The following NRXN3 variants were observed in gnomAD, a reference collection of about 807,000 sequenced individuals.
The protein encoded by NRXN3 is neurexin III.
NRXN3 carries 32 observed loss-of-function variants against 137.6 expected under a neutral mutation model. The ratio of observed to expected loss-of-function variants is 0.23; its 90% CI spans 0.18 to 0.31. The LOEUF (loss-of-function observed/expected upper bound fraction) is 0.31, where lower values mean the gene tolerates loss of function less well. Among genes scored for constraint, NRXN3 ranks in the 10% least tolerant of loss-of-function variants. The pLI is 1.00. For synonymous variants in NRXN3, 798 were observed against 784.5 expected, an observed-to-expected ratio of 1.02 and a Z score of -0.29; for missense variants, 1,574 against 2,062.5, an observed-to-expected ratio of 0.76 and a Z score of 4.59.
rs183945257 is a variant in NRXN3, at chr14:78,338,647, C to A, written c.757+40787C>A. Among the ~76,000 whole-genome samples the A allele has an allele frequency of 3.5e-4, 53 of 152,280 alleles. No individual in the cohort carries two copies. In the East Asian group the frequency reaches 8.9e-3, roughly 26 times the overall value. On this transcript the variant is annotated intron_variant, in intron 4 of 20. Transcript: ENST00000335750. The stretch of plus-strand genomic sequence containing the variant: ...ATGCTTGGGGACAGGGGAAGTATAT[C>A]AGTTATTTATTGCTGCACAACGAAG...
At chr14:79,814,102 T>C (rs1458444820) in intron 20 of NRXN3, among the ~76,000 whole-genome samples, 1 of 152,210 alleles carries the variant, frequency 6.6e-6, no homozygotes, top group African/African-American at 2.4e-5. Flanking sequence ...GTCCAGTGTA[T>C]GAGTTGTGGG....
At chr14:78,480,717 C>T (rs868840158) in intron 4 of NRXN3, among the ~76,000 whole-genome samples, 2 of 152,098 alleles carry the variant, frequency 1.3e-5, no homozygotes, top group South Asian at 4.2e-4. Flanking sequence ...ACATCTGTCT[C>T]CTTTCTCATT....
At chr14:78,796,048 G>T (rs1247964197) in intron 8 of NRXN3, among the ~76,000 whole-genome samples, 2 of 152,188 alleles carry the variant, frequency 1.3e-5, no homozygotes, top group African/African-American at 4.8e-5. Context: ...CAGGCTACTG[G>T]TGCCTCTCAT....
chr14:78,943,641 T>A lies in NRXN3; in HGVS notation c.2276-13601T>A, dbSNP rs867964223. Among the ~76,000 whole-genome samples the A allele has an allele frequency of 4.5e-3, 192 of 42,962 alleles. 13 individuals are homozygous for A. Among genetic ancestry groups the A allele is most frequent in the African/African-American group, 0.036 (167 of 4,626 alleles). The allele number at this position is 42,962 out of a possible 152,430, so 28.2% of individuals were successfully genotyped here. A position where few individuals can be genotyped will look rare whatever the true frequency, so the allele number is the denominator to read the frequency against. ...AAAAAAATATATATATATATATATATATATATATATATATATATATATATA... is the reference window on the plus strand; with the variant it reads ...AAAAAAATATATATATATATATATAAATATATATATATATATATATATATA... On this transcript the variant is annotated intron_variant, in intron 10 of 20. Transcript: ENST00000335750.
intron 15 of NRXN3, among the ~76,000 whole-genome samples, chr14:79,112,358 T>C (rs1170712970): frequency 1.3e-5 from 2 of 152,328 alleles, no homozygotes; most frequent in South Asian, 2.1e-4. Flanking sequence ...GGAAGAAGGA[T>C]GCATTTTGCA....
intron 16 of NRXN3, among the ~76,000 whole-genome samples, chr14:79,491,764 T>C (rs1256264274): frequency 6.6e-6 from 1 of 152,164 alleles, no homozygotes; most frequent in African/African-American, 2.4e-5. Flanking sequence ...GAATATGTAA[T>C]TTGGTTTAGG....
At chr14:79,450,158 A>G (rs1006977978) in intron 15 of NRXN3, among the ~76,000 whole-genome samples, 1 of 152,004 alleles carries the variant, frequency 6.6e-6, no homozygotes, top group Non-Finnish European at 1.5e-5. Context: ...CTTCCCAAAC[A>G]GCATCCTTAA....
chr14:79,597,459 G>T (rs1408028958), intron 16 of NRXN3, among the ~76,000 whole-genome samples: 1 of 152,176 alleles, frequency 6.6e-6, no homozygotes, highest in Non-Finnish European at 1.5e-5. Flanking sequence ...CAGACAAAGA[G>T]GGTTAGGTGG....
chr14:78,304,240 G>C (rs17107286), intron 4 of NRXN3, among the ~76,000 whole-genome samples: 6,859 of 152,218 alleles, frequency 0.045, 476 homozygotes, highest in African/African-American at 0.15. Context: ...GTGTCAGAGG[G>C]AAAATTTTAT....
At chr14:78,900,061 A>G (rs1296373757) in intron 10 of NRXN3, among the ~76,000 whole-genome samples, 1 of 151,910 alleles carries the variant, frequency 6.6e-6, no homozygotes, top group Admixed American at 6.6e-5. Context: ...AATTGATGAG[A>G]TATATAATCT....
intron 19 of NRXN3, among the ~76,000 whole-genome samples, chr14:79,775,637 A>G (rs1039612716): frequency 6.6e-6 from 1 of 151,504 alleles, no homozygotes; most frequent in East Asian, 1.9e-4. Context: ...TCAGAGGTAG[A>G]GTTCTAGATG....
intron 15 of NRXN3, among the ~76,000 whole-genome samples, chr14:79,145,590 G>T (rs893960282): frequency 6.6e-6 from 1 of 152,146 alleles, no homozygotes; most frequent in Non-Finnish European, 1.5e-5. Flanking sequence ...ATGCTCCTAG[G>T]AGCAGCCAGA....
At chr14:78,641,838 A>C (rs1338670522) in intron 4 of NRXN3, among the ~76,000 whole-genome samples, 2 of 152,226 alleles carry the variant, frequency 1.3e-5, no homozygotes, top group African/African-American at 4.8e-5. Flanking sequence ...ATAAATATGC[A>C]TGTGATTTGC....
chr14:78,595,128 G>C (rs774992574), intron 4 of NRXN3, among the ~76,000 whole-genome samples: 1 of 152,218 alleles, frequency 6.6e-6, no homozygotes, highest in Non-Finnish European at 1.5e-5. Context: ...AGGGTGGCTA[G>C]TGATTGAGGC....
chr14:79,487,335 T>TTGTGCTACATGTTTCACCA (rs149312092), intron 16 of NRXN3, among the ~76,000 whole-genome samples: 1 of 152,122 alleles, frequency 6.6e-6, no homozygotes, highest in Non-Finnish European at 1.5e-5. Context: ...TAACATGTTC[T>TTGTGCTACATGTTTCACCA]TGTGCTACAT....
chr14:78,785,536 C>A (rs1239030199), intron 8 of NRXN3, among the ~76,000 whole-genome samples: 1 of 152,138 alleles, frequency 6.6e-6, no homozygotes, highest in Non-Finnish European at 1.5e-5. Context: ...CAGCTGTGGG[C>A]TGGTAATATA....
At chr14:79,212,752 T>C (rs1170246597) in intron 15 of NRXN3, among the ~76,000 whole-genome samples, 1 of 152,002 alleles carries the variant, frequency 6.6e-6, no homozygotes, top group Non-Finnish European at 1.5e-5. Flanking sequence ...GGTAAGTAGG[T>C]CTTTTCATTG....
At chr14:79,458,016 G>T (rs1424503973) in intron 15 of NRXN3, among the ~76,000 whole-genome samples, 8 of 151,958 alleles carry the variant, frequency 5.3e-5, no homozygotes, top group Non-Finnish European at 1.2e-4. Context: ...TTTATATTTT[G>T]CTTATGAACA....
intron 15 of NRXN3, among the ~76,000 whole-genome samples, chr14:79,048,496 G>C (rs1270846956): frequency 6.6e-6 from 1 of 152,144 alleles, no homozygotes; most frequent in Non-Finnish European, 1.5e-5. Flanking sequence ...TAAAAGTTAT[G>C]TTGACACTAT....
Sources: allele counts gnomAD v4.1 joint callset (sites outside exome capture counted in the v4.1 genomes callset), GRCh38; gene constraint gnomAD v4.1.1; transcripts MANE v1.5; gene names NCBI Gene and HGNC (gene_info 2026-07-23, HGNC 2026-07-21).